CDH18: variants seen among roughly 807,000 people sequenced by gnomAD.
The protein encoded by CDH18 is cadherin-18.
A neutral mutation model predicts 67.9 loss-of-function variants in CDH18; 31 were observed. The ratio of observed to expected loss-of-function variants is 0.46; its 90% CI spans 0.34 to 0.62. The LOEUF is 0.62. Ranked by LOEUF, CDH18 falls within the 20% of genes least tolerant of loss-of-function variation. CDH18 has a pLI of 0.01. For synonymous variants in CDH18, 362 were observed against 347.2 expected (o/e 1.04, Z -0.48); for missense variants, 890 against 975.5 (o/e 0.91, Z 1.17).
At chr5:20,502,332 C>A (rs1235919864) in intron 1 of CDH18, among the ~76,000 whole-genome samples, 1 of 152,136 alleles carries the variant, frequency 6.6e-6, no homozygotes, top group Non-Finnish European at 1.5e-5. Context: ...ATATAACACA[C>A]TACCAGAGGT....
intron 1 of CDH18, among the ~76,000 whole-genome samples, chr5:20,480,732 G>A (rs1019563894): frequency 3.9e-5 from 6 of 151,916 alleles, no homozygotes; most frequent in African/African-American, 1.2e-4. Context: ...GTTTTTGCTC[G>A]CTTGTAATTT....
intron 2 of CDH18, among the ~76,000 whole-genome samples, chr5:20,074,228 T>C (rs1424397911): frequency 6.6e-6 from 1 of 152,152 alleles, no homozygotes; most frequent in Non-Finnish European, 1.5e-5. Context: ...GGCTCATTCA[T>C]TTTGAATGCC....
At chr5:19,937,725 C>A (rs1476945507) in intron 2 of CDH18, among the ~76,000 whole-genome samples, 1 of 150,486 alleles carries the variant, frequency 6.6e-6, no homozygotes, top group East Asian at 1.9e-4. Flanking sequence ...TCAAAGAGGG[C>A]TTGAGAGAAA....
At chr5:19,666,236 T>TA (rs1280504741) in intron 5 of CDH18, among the ~76,000 whole-genome samples, 76 of 114,588 alleles carry the variant, frequency 6.6e-4, no homozygotes, top group Non-Finnish European at 9.3e-4. Flanking sequence ...CCTGTATGAT[T>TA]TTTATTATTA....
intron 5 of CDH18, among the ~76,000 whole-genome samples, chr5:19,613,884 A>G (rs1481107822): frequency 2.0e-5 from 3 of 152,156 alleles, no homozygotes; most frequent in African/African-American, 7.2e-5. Context: ...ATATAATTAT[A>G]AAATATAAAC....
intron 1 of CDH18, among the ~76,000 whole-genome samples, chr5:20,372,312 TATC>T (rs1438422431): frequency 6.6e-6 from 1 of 152,150 alleles, no homozygotes; most frequent in Non-Finnish European, 1.5e-5. Context: ...TTAGGATAGA[TATC>T]ATCTCAAACA....
intron 5 of CDH18, among the ~76,000 whole-genome samples, chr5:19,713,087 T>A (rs1380458937): frequency 1.0e-5 from 1 of 95,364 alleles, no homozygotes; most frequent in Admixed American, 1.4e-4. Flanking sequence ...CGCTATTGGC[T>A]AAACAATAAT....
At position 19,707,251 on chromosome 5, in the gene CDH18, C is replaced by G. The variant is rs139930599; in HGVS notation, c.643+14096G>C. Among the ~76,000 whole-genome samples, 194 of 152,260 alleles carry G rather than the reference C, an allele frequency of 1.3e-3. 1 individual carries two copies. The highest frequency in any genetic ancestry group is 4.5e-3 in the African/African-American group (188 of 41,556). ...GAGCAACACCCGTTGAACACAGCCA[C>G]CTACCTGGGGACAGATCAAGAAGCT... On this transcript the variant is annotated intron_variant, in intron 5 of 12. Transcript: ENST00000382275.
At chr5:19,845,788 A>T (rs1782869846) in intron 2 of CDH18, among the ~76,000 whole-genome samples, 1 of 151,860 alleles carries the variant, frequency 6.6e-6, no homozygotes, top group African/African-American at 2.4e-5. Flanking sequence ...TTTTTAACTG[A>T]AAGAATATTG....
chr5:19,520,660 G>T lies in CDH18; in HGVS notation c.1509C>A (p.Gly503=), dbSNP rs369034653. The T allele has an allele frequency of 7.1e-5, 114 of 1,607,844 alleles. No individual in the cohort carries two copies. The highest frequency in any genetic ancestry group is 6.6e-4 in the Middle Eastern group (4 of 6,068). Residue 503 remains glycine (G), a synonymous_variant, in exon 10 of 13, where the codon GGC becomes GGA. Coordinates refer to ENST00000382275, the MANE Select transcript of CDH18 (RefSeq NM_004934.5). ...AGGAAGGAAACAATTAACTTACCTGGCCAGGCTTAGAATTTTCACATACAA... is the reference window on the plus strand; with the variant it reads ...AGGAAGGAAACAATTAACTTACCTGTCCAGGCTTAGAATTTTCACATACAA... The part of the protein sequence containing the change: ...DIIVCENSKP[G]QVIHTISATD...
intron 1 of CDH18, among the ~76,000 whole-genome samples, chr5:20,370,836 A>G (rs1210340176): frequency 6.6e-6 from 1 of 152,048 alleles, no homozygotes; most frequent in African/African-American, 2.4e-5. Flanking sequence ...CAGGAGTTCG[A>G]GACTAGCCTG....
chr5:19,899,631 A>G (rs1018321671), intron 2 of CDH18, among the ~76,000 whole-genome samples: 3 of 152,166 alleles, frequency 2.0e-5, no homozygotes, highest in African/African-American at 4.8e-5. Context: ...CAAGATCTCA[A>G]AGAGTAATAG....
At chr5:20,193,948 C>A (rs1484557756) in intron 2 of CDH18, among the ~76,000 whole-genome samples, 2 of 152,022 alleles carry the variant, frequency 1.3e-5, no homozygotes, top group Non-Finnish European at 2.9e-5. Flanking sequence ...TGGAACATAT[C>A]TCAAAATAAT....
intron 1 of CDH18, among the ~76,000 whole-genome samples, chr5:20,310,547 GT>G (rs1736889753): frequency 6.6e-6 from 1 of 152,102 alleles, no homozygotes; most frequent in Admixed American, 6.5e-5. Context: ...TGACCTCAGG[GT>G]TTTTTACTCG....
intron 1 of CDH18, among the ~76,000 whole-genome samples, chr5:20,378,688 G>A (rs1223491088): frequency 3.3e-5 from 5 of 152,014 alleles, no homozygotes; most frequent in Admixed American, 3.3e-4. Flanking sequence ...GGGTGCTAAC[G>A]AGTCTGATTC....
intron 2 of CDH18, among the ~76,000 whole-genome samples, chr5:20,151,148 C>T (rs1751065014): frequency 6.6e-6 from 1 of 151,958 alleles, no homozygotes. Context: ...TCATACCCCC[C>T]TTTCTCTCCC....
intron 4 of CDH18, among the ~76,000 whole-genome samples, chr5:19,728,026 C>G (rs1767077935): frequency 6.6e-6 from 1 of 151,882 alleles, no homozygotes; most frequent in Non-Finnish European, 1.5e-5. Flanking sequence ...AAATTTTATG[C>G]ATAGTAGAAA....
intron 2 of CDH18, among the ~76,000 whole-genome samples, chr5:20,156,281 A>C (rs1430739393): frequency 1.3e-5 from 2 of 152,146 alleles, no homozygotes; most frequent in South Asian, 4.1e-4. Flanking sequence ...TACGCTCGTT[A>C]TGTTTATCAC....
chr5:19,757,108 C>A (rs1302029610), intron 3 of CDH18, among the ~76,000 whole-genome samples: 1 of 152,166 alleles, frequency 6.6e-6, no homozygotes, highest in Non-Finnish European at 1.5e-5. Flanking sequence ...AAGCCCACTG[C>A]CACACTTTTT....
Sources: gnomAD v4.1 joint callset for allele counts (sites outside exome capture counted in the v4.1 genomes callset) on GRCh38, gnomAD v4.1.1 for gene constraint, MANE v1.5 for transcripts, NCBI Gene and HGNC (gene_info 2026-07-23, HGNC 2026-07-21) for gene names.